Variants in RP1 observed in about 807,000 individuals in gnomAD.
The protein encoded by RP1 is RP1 axonemal microtubule associated.
In RP1, 16 loss-of-function variants were observed where a neutral mutation model predicts 14.8. That is an observed-to-expected ratio of 1.08 (90% confidence interval 0.73 to 1.65). RP1 has a LOEUF of 1.65. Ranked by LOEUF, RP1 falls within the 40% of genes most tolerant of loss-of-function variation. RP1 has a pLI of 0.00. For missense variants in RP1, 2,631 were observed against 2,535.0 expected (o/e 1.04, Z -0.81); for synonymous variants, 876 against 883.6 (o/e 0.99, Z 0.15).
At chr8:54,607,659 A>C (rs1383393256) in intron 1 of RP1, among the ~76,000 whole-genome samples, 3 of 152,194 alleles carry the variant, frequency 2.0e-5, no homozygotes, top group Admixed American at 6.5e-5. Context: ...CTATAGAGGC[A>C]GGCAGGCCTC....
At chr8:54,788,618 T>G (rs530752188) in intron 24 of RP1, among the ~76,000 whole-genome samples, 5 of 152,334 alleles carry the variant, frequency 3.3e-5, no homozygotes, top group African/African-American at 1.2e-4. Context: ...AGGGACAATT[T>G]AACTTAAACT....
Position 54,625,003 on chromosome 8 carries a change from A to G in RP1, c.1121A>G (p.Glu374Gly). The G allele has an allele frequency of 6.2e-7, 1 of 1,614,226 alleles. No individual in the cohort carries two copies. The highest frequency in any genetic ancestry group is 1.1e-5 in the South Asian group (1 of 91,080). Residue 374 changes from glutamate (E) to glycine (G), a missense_variant, in exon 4 of 4, where the codon GAA becomes GGA. Glu to Gly is a moderately conservative substitution (Grantham distance 98). Transcript: ENST00000220676. Reference protein sequence around the residue: ...KSEMSFPGRTESRSSGLKLAA... With the variant: ...KSEMSFPGRTGSRSSGLKLAA... ...GAGATGAGTTTTCCAGGAAGAACAG[A>G]AAGTCGATCATCTGGTTTAAAGCTT...
intron 6 of RP1, among the ~76,000 whole-genome samples, chr8:54,658,084 C>T (rs1806795296): frequency 6.6e-6 from 1 of 152,176 alleles, no homozygotes; most frequent in African/African-American, 2.4e-5. Flanking sequence ...CCCCATCCTG[C>T]TGCACTTCTC....
At chr8:54,809,767 A>G (rs1447131964) in intron 24 of RP1, among the ~76,000 whole-genome samples, 2 of 152,232 alleles carry the variant, frequency 1.3e-5, no homozygotes, top group African/African-American at 4.8e-5. Context: ...GATGCTGAAA[A>G]GTAAGTGGTG....
At chr8:54,766,206 C>T (rs934820682) in intron 22 of RP1, among the ~76,000 whole-genome samples, 2 of 151,696 alleles carry the variant, frequency 1.3e-5, no homozygotes, top group Non-Finnish European at 2.9e-5. Context: ...TTTTATTTTC[C>T]CTTTCTGGGA....
At chr8:54,670,114 T>A (rs568001562) in intron 7 of RP1, among the ~76,000 whole-genome samples, 68 of 152,272 alleles carry the variant, frequency 4.5e-4, no homozygotes, top group Non-Finnish European at 8.5e-4. Flanking sequence ...TCACCTACTA[T>A]TATTTTCTAG....
At chr8:54,781,919 C>T (rs1810198734) in intron 23 of RP1, among the ~76,000 whole-genome samples, 1 of 152,102 alleles carries the variant, frequency 6.6e-6, no homozygotes, top group South Asian at 2.1e-4. Flanking sequence ...TTGCTATTTG[C>T]CTCTATTTCA....
chr8:54,750,345 G>C (rs1809329589), intron 19 of RP1, among the ~76,000 whole-genome samples: 1 of 152,186 alleles, frequency 6.6e-6, no homozygotes, highest in South Asian at 2.1e-4. Flanking sequence ...TTGAGGTTTT[G>C]AGAACTAGGC....
rs1175312762 is a variant in RP1 at position 54,723,317 on chromosome 8, C to T, written c.2389+3011C>T. Among the ~76,000 whole-genome samples the T allele has an allele frequency of 4.6e-5, 7 of 152,068 alleles. No homozygotes were observed. In the East Asian group the frequency reaches 9.6e-4, roughly 21 times the overall value. ...ATTTTTTTTATCACTTAAATAGAGT[C>T]GATAGATTTCTAAAAGACAAGAGAT... On this transcript the variant is annotated intron_variant, in intron 16 of 22. Coordinates refer to the RP1 transcript ENST00000636932.
intron 5 of RP1, among the ~76,000 whole-genome samples, chr8:54,654,966 A>G (rs999991465): frequency 3.9e-5 from 6 of 152,326 alleles, no homozygotes; most frequent in Admixed American, 3.9e-4. Flanking sequence ...CCTTTTTAAC[A>G]GGGTGATTTT....
At chr8:54,624,476 A>C (rs1241941588) in intron 3 of RP1, among the ~76,000 whole-genome samples, 194 bp from the exon 4 acceptor site, 2 of 151,304 alleles carry the variant, frequency 1.3e-5, no homozygotes, top group East Asian at 1.9e-4. Flanking sequence ...AAGAAAAAAA[A>C]CAAAATACAT....
chr8:54,792,816 C>CTTGTTTATTTG (rs1810498999), intron 24 of RP1, among the ~76,000 whole-genome samples: 1 of 150,312 alleles, frequency 6.7e-6, no homozygotes, highest in Non-Finnish European at 1.5e-5. Context: ...CCAAAGTTAG[C>CTTGTTTATTTG]AGAAAGAAGG....
chr8:54,736,430 T>C (rs908239543), intron 18 of RP1, among the ~76,000 whole-genome samples: 4 of 152,200 alleles, frequency 2.6e-5, no homozygotes, highest in African/African-American at 4.8e-5. Context: ...TTATCCTTAC[T>C]AATCCTCAGT....
At chr8:54,853,752 G>C (rs1163650287) in intron 26 of RP1, among the ~76,000 whole-genome samples, 1 of 136,226 alleles carries the variant, frequency 7.3e-6, no homozygotes, top group Non-Finnish European at 1.6e-5. Context: ...AAGAAAGAAA[G>C]AGAGAGAGAA....
intron 13 of RP1, chr8:54,701,351 A>G: frequency 1.4e-6 from 1 of 738,258 alleles, no homozygotes; most frequent in Non-Finnish European, 1.9e-6. Flanking sequence ...ACTGAATTTC[A>G]AAATCATGAG....
intron 22 of RP1, chr8:54,769,629 G>A (rs1406343437): frequency 6.9e-6 from 5 of 725,644 alleles, no homozygotes; most frequent in East Asian, 2.7e-5. Context: ...TTAACATTTA[G>A]TGTGCAAAAT....
intron 27 of RP1, among the ~76,000 whole-genome samples, chr8:54,864,819 G>A (rs1297673878): frequency 6.6e-6 from 1 of 152,194 alleles, no homozygotes; most frequent in African/African-American, 2.4e-5. Context: ...AAGATCAGAA[G>A]TGCTTGTGAT....
intron 25 of RP1, among the ~76,000 whole-genome samples, chr8:54,847,162 G>A (rs552368464): frequency 5.3e-5 from 8 of 152,220 alleles, no homozygotes; most frequent in Admixed American, 4.6e-4. Flanking sequence ...GAGGGAGGGA[G>A]ATAGAAAAGG....
intron 24 of RP1, among the ~76,000 whole-genome samples, chr8:54,796,986 G>A (rs995952104): frequency 1.3e-5 from 2 of 152,172 alleles, no homozygotes; most frequent in African/African-American, 4.8e-5. Context: ...ATGGGGTGAA[G>A]AGAAATGGTG....
Sources: allele counts gnomAD v4.1 joint callset (sites outside exome capture counted in the v4.1 genomes callset), GRCh38; gene constraint gnomAD v4.1.1; transcripts MANE v1.5; gene names NCBI Gene and HGNC (gene_info 2026-07-23, HGNC 2026-07-21).